NUP205: variants seen among roughly 807,000 people sequenced by gnomAD.
NUP205 encodes the protein nuclear pore complex protein Nup205.
NUP205 carries 76 observed loss-of-function variants against 253.8 expected under a neutral mutation model. The ratio of observed to expected loss-of-function variants is 0.30; its 90% CI spans 0.25 to 0.36. The LOEUF is 0.36. NUP205 is among the 10% of genes least tolerant of loss of function. NUP205 has a pLI of 1.00. For synonymous variants in NUP205, 832 were observed against 850.1 expected (o/e 0.98, Z 0.37); for missense variants, 2,162 against 2,425.5 (o/e 0.89, Z 2.28).
intron 40 of NUP205, 68 bp downstream of exon 40, chr7:135,645,086 T>C: frequency 6.4e-7 from 1 of 1,567,618 alleles, no homozygotes. Flanking sequence ...CTTATTCTCA[T>C]ATTATTTGGG....
intron 39 of NUP205, among the ~76,000 whole-genome samples, chr7:135,643,763 A>G (rs754131317): frequency 6.6e-6 from 1 of 152,200 alleles, no homozygotes; most frequent in African/African-American, 2.4e-5. Context: ...ATGAGACTTG[A>G]CTGCCTTCCC....
chr7:135,596,354 GTTGGCTTACTATGGATACT>G (rs1793834945), intron 13 of NUP205, among the ~76,000 whole-genome samples: 2 of 152,220 alleles, frequency 1.3e-5, no homozygotes, highest in South Asian at 4.1e-4. Context: ...GCTGAGAGGG[GTTGGCTTACTATGGATACT>G]TCACCTTTTG....
intron 35 of NUP205, among the ~76,000 whole-genome samples, chr7:135,634,254 T>C (rs1794768004): frequency 6.6e-6 from 1 of 152,126 alleles, no homozygotes; most frequent in African/African-American, 2.4e-5. Flanking sequence ...AAAAGTATTT[T>C]GGAGTTGAGA....
At chr7:135,589,316 G>T (rs1333813931) in intron 10 of NUP205, among the ~76,000 whole-genome samples, 1 of 147,086 alleles carries the variant, frequency 6.8e-6, no homozygotes, top group African/African-American at 2.5e-5. Context: ...ATGGAGTTTC[G>T]CTCTTGTTGC....
chr7:135,633,202 A>G (rs950232319), intron 35 of NUP205, among the ~76,000 whole-genome samples: 1 of 152,078 alleles, frequency 6.6e-6, no homozygotes, highest in African/African-American at 2.4e-5. Flanking sequence ...GGCCTCAAGC[A>G]TTCCTCCCAC....
At chr7:135,590,751 T>G (rs1180899747) in intron 10 of NUP205, among the ~76,000 whole-genome samples, 3 of 151,792 alleles carry the variant, frequency 2.0e-5, no homozygotes, top group African/African-American at 7.3e-5. Flanking sequence ...CAGGATAGTC[T>G]TGATCTCTTG....
At position 135,604,458 on chromosome 7, in the gene NUP205, C is replaced by A; in HGVS notation, c.2821C>A (p.Gln941Lys). ...IKLVGDFTHDQSISQKLMAGF... is the reference protein window; with the variant it reads ...IKLVGDFTHDKSISQKLMAGF... The stretch of plus-strand genomic sequence containing the variant: ...GTTGGTTGGAGATTTCACACATGAC[C>A]AGGTAACTGATTTTGTTGCTCTTGT... Residue 941 changes from glutamine (Q) to lysine (K), a missense_variant and splice_region_variant, in exon 19 of 43, where the codon CAG (glutamine) becomes AAG (lysine). Gln to Lys is a moderately conservative substitution (Grantham distance 53). Coordinates refer to ENST00000285968, the MANE Select transcript of NUP205 (RefSeq NM_015135.3). 1 of 1,599,724 alleles carries A rather than the reference C, an allele frequency of 6.3e-7. No individual in the cohort carries two copies. Among genetic ancestry groups the A allele is most frequent in the South Asian group, 1.1e-5 (1 of 87,628 alleles).
chr7:135,635,050 C>T (rs891303512), intron 35 of NUP205, among the ~76,000 whole-genome samples: 5 of 152,094 alleles, frequency 3.3e-5, no homozygotes, highest in Non-Finnish European at 7.4e-5. Context: ...CTGGCAGGCT[C>T]ATTAGAAATC....
At position 135,592,710 on chromosome 7, in the gene NUP205, A is replaced by G. The variant is rs193155830; in HGVS notation, c.1625-277A>G. Among the ~76,000 whole-genome samples, 1,177 of 152,210 alleles carry G rather than the reference A, an allele frequency of 7.7e-3. 9 individuals are homozygous for G. Among genetic ancestry groups the G allele is most frequent in the Non-Finnish European group, 0.012 (834 of 67,996 alleles). The stretch of plus-strand genomic sequence containing the variant: ...AAGAGCAGCCTGGCCAACATGGTGA[A>G]ACCCTGTCTTTACCAAAAAGACAAA... On this transcript the variant is annotated intron_variant, in intron 11 of 42. Transcript: ENST00000285968.
intron 7 of NUP205, among the ~76,000 whole-genome samples, chr7:135,580,252 C>T (rs1052400258): frequency 6.6e-6 from 1 of 152,064 alleles, no homozygotes; most frequent in Non-Finnish European, 1.5e-5. Context: ...TTGCAGAAAG[C>T]TTTTTTTGTG....
At chr7:135,558,750 G>A (rs1805502018) in intron 1 of NUP205, among the ~76,000 whole-genome samples, 1 of 152,190 alleles carries the variant, frequency 6.6e-6, no homozygotes, top group African/African-American at 2.4e-5. Context: ...GTCCTTCATG[G>A]TCAGAGCAGT....
intron 34 of NUP205, among the ~76,000 whole-genome samples, chr7:135,629,177 T>G (rs559645356): frequency 5.0e-4 from 76 of 152,230 alleles, no homozygotes; most frequent in Non-Finnish European, 9.1e-4. Context: ...ATTCACATCC[T>G]TGGCTTGTTT....
At chr7:135,574,500 G>T (rs1396195514) in intron 3 of NUP205, among the ~76,000 whole-genome samples, 2 of 152,140 alleles carry the variant, frequency 1.3e-5, no homozygotes, top group Admixed American at 1.3e-4. Flanking sequence ...GACCTATTGG[G>T]TAAGGCTTTT....
At chr7:135,578,112 C>T in intron 6 of NUP205, 88 bp downstream of exon 6, 8 of 863,048 alleles carry the variant, frequency 9.3e-6, no homozygotes, top group South Asian at 1.5e-5. Context: ...ATTTTAGCTA[C>T]TAAAATAGTC....
rs772670187 is a variant in NUP205, at chr7:135,593,179, C to T, written c.1817C>T (p.Thr606Ile). The stretch of plus-strand genomic sequence containing the variant: ...ATTGCTTTTTTGCAGCTCACGTCTA[C>T]CATCATTACTTGGGTAGGTAACTCA... ...GLIAFLQLTS[T>I]IITWSENARL... Residue 606 changes from threonine (T) to isoleucine (I), a missense_variant, in exon 12 of 43, where the codon ACC becomes ATC. Around this residue, in one of 5 missense-constraint regions of NUP205, gnomAD observed 892 missense variants for 957.1 expected, o/e 0.93. Transcript: ENST00000285968. 6.2e-7 allele frequency: 1 copy of T among 1,614,000 alleles called. No homozygotes were observed.
In NUP205 at chr7:135,646,161, C is replaced by T. The variant is rs1795005481; in HGVS notation, c.5816C>T (p.Ser1939Phe). ...TLFKSRRLQD[S>F]FASETNLDFR... ...GACTCTGTTTTTTTATCTCTAGATT[C>T]CTTCGCCTCAGAAACCAATCTAGAT... The change falls in exon 42 of 43, where the codon TCC becomes TTC. Residue 1939 changes from serine to phenylalanine, a missense_variant. Transcript: ENST00000285968. 1 of 1,611,250 alleles carries T rather than the reference C, an allele frequency of 6.2e-7. No individual in the cohort carries two copies. The highest frequency in any genetic ancestry group is 8.5e-7 in the Non-Finnish European group (1 of 1,177,468).
chr7:135,609,371 G>A (rs972531796), intron 22 of NUP205, among the ~76,000 whole-genome samples: 1 of 151,706 alleles, frequency 6.6e-6, no homozygotes, highest in South Asian at 2.1e-4. Flanking sequence ...CCAGCTACTC[G>A]GGAGGCTGAG....
At chr7:135,635,314 T>C (rs1259253800) in intron 35 of NUP205, 2 of 240,694 alleles carry the variant, frequency 8.3e-6, no homozygotes, top group African/African-American at 4.5e-5. Flanking sequence ...TATAAAAAAA[T>C]TAGATTTTTC....
chr7:135,598,507 C>T (rs1259395322), intron 15 of NUP205, among the ~76,000 whole-genome samples: 3 of 152,176 alleles, frequency 2.0e-5, no homozygotes, highest in Non-Finnish European at 4.4e-5. Flanking sequence ...TTGTTGGAAA[C>T]ACACTACTAC....
Sources: allele counts gnomAD v4.1 joint callset (sites outside exome capture counted in the v4.1 genomes callset), GRCh38; gene constraint gnomAD v4.1.1; regional missense constraint gnomAD v4.1.1; transcripts MANE v1.5; gene names NCBI Gene and HGNC (gene_info 2026-07-23, HGNC 2026-07-21).